Variants in MGAM observed in about 807,000 individuals in gnomAD.
MGAM encodes the protein maltase-glucoamylase.
In MGAM, 253 loss-of-function variants were observed where a neutral mutation model predicts 358.8. The ratio of observed to expected loss-of-function variants is 0.71; its 90% CI spans 0.64 to 0.78. MGAM has a LOEUF of 0.78. Among genes scored for constraint, MGAM ranks in the 30% least tolerant of loss-of-function variants. The pLI is 0.00. For missense variants in MGAM, 3,080 were observed against 3,432.6 expected (o/e 0.90, Z 2.57); for synonymous variants, 1,105 against 1,227.1 (o/e 0.90, Z 2.08).
chr7:142,082,208 G>A lies in MGAM; in HGVS notation c.6169G>A (p.Gly2057Arg), dbSNP rs1814367043. 6.4e-7 allele frequency: 1 copy of A among 1,553,840 alleles called. No homozygotes were observed. Among genetic ancestry groups the A allele is most frequent in the African/African-American group, 1.3e-5 (1 of 74,428 alleles). ...WGMFSRDQPPGYKKNSYGVHP... is the reference protein window; with the variant it reads ...WGMFSRDQPPRYKKNSYGVHP... The stretch of plus-strand genomic sequence containing the variant: ...GATGTTCTCCCGAGACCAGCCCCCA[G>A]GGGTAAGGACAGAGCATTTGAGATC... The change falls in exon 51 of 71, where the codon GGG (glycine) becomes AGG (arginine). Residue 2057 changes from glycine (G) to arginine (R), a missense_variant and splice_region_variant. Gly to Arg is a moderately radical substitution (Grantham distance 125). This residue lies in a region of MGAM where 932 missense variants were observed against 1,198.2 expected (regional missense o/e 0.78). Coordinates refer to ENST00000475668, the MANE Select transcript of MGAM (RefSeq NM_001365693.1).
intron 14 of MGAM, 72 bp from the exon 15 acceptor site, chr7:142,034,190 C>A: frequency 1.0e-6 from 1 of 991,570 alleles, no homozygotes; most frequent in Non-Finnish European, 1.4e-6. Flanking sequence ...GCTGTCATTT[C>A]GGATTGTGAT....
intron 1 of MGAM, among the ~76,000 whole-genome samples, chr7:141,997,179 C>T (rs1554448974): frequency 6.6e-6 from 1 of 151,992 alleles, no homozygotes; most frequent in African/African-American, 2.4e-5. Flanking sequence ...AAAAGGATAC[C>T]ACTAGGTTCT....
chr7:142,070,804 A>G (rs114244961), intron 43 of MGAM, among the ~76,000 whole-genome samples, 190 bp from the exon 44 acceptor site: 14,045 of 146,070 alleles, frequency 0.096, 2,090 homozygotes, highest in African/African-American at 0.23. Flanking sequence ...GACCCTAACA[A>G]GATATTATAG....
chr7:142,040,940 C>A, intron 21 of MGAM, 94 bp downstream of exon 21: 1 of 1,450,432 alleles, frequency 6.9e-7, no homozygotes, highest in Non-Finnish European at 9.2e-7. Context: ...AGGTGGTCAG[C>A]CTCTTTGGTT....
chr7:142,082,338 C>G (rs1448497993), intron 51 of MGAM, 128 bp downstream of exon 51: 1 of 1,293,904 alleles, frequency 7.7e-7, no homozygotes, highest in African/African-American at 1.4e-5. Flanking sequence ...GGCCAATTCT[C>G]AGGCTCCTTT....
chr7:142,091,018 G>A (rs1030766381), intron 57 of MGAM, among the ~76,000 whole-genome samples: 6 of 146,032 alleles, frequency 4.1e-5, no homozygotes, highest in African/African-American at 1.5e-4. Context: ...AGGCTGAGGT[G>A]TGTGGATCAC....
chr7:142,083,413 G>C lies in MGAM; in HGVS notation c.6381G>C (p.Glu2127Asp). Residue 2127 changes from glutamate (E) to aspartate (D), a missense_variant and splice_region_variant, in exon 53 of 71, where the codon GAG (glutamate) becomes GAC (aspartate). Around this residue, in one of 5 missense-constraint regions of MGAM, gnomAD observed 932 missense variants for 1,198.2 expected, o/e 0.78. Transcript: ENST00000475668. The stretch of plus-strand genomic sequence containing the variant: ...AGCTTGTCACCCAGCAGTACACTGA[G>C]GTAGGGAGAAATCCAATTGTTTATC... ...TPELVTQQYT[E>D]LIGRPVMVPY... 1 of 1,536,430 alleles carries C rather than the reference G, an allele frequency of 6.5e-7. No homozygotes were observed. The highest frequency in any genetic ancestry group is 8.9e-7 in the Non-Finnish European group (1 of 1,118,616).
Position 142,059,936 on chromosome 7 carries a change from C to T in MGAM, c.4029C>T (p.Tyr1343=). Residue 1343 remains tyrosine (Y), a synonymous_variant, in exon 33 of 71, where the codon TAC becomes TAT. Coordinates refer to ENST00000475668, the MANE Select transcript of MGAM (RefSeq NM_001365693.1). ...RGVEDDVFIK[Y]PNDGDIVWGK... is the part of the protein sequence containing the mutation. ...TGGAGGATGACGTCTTCATCAAATA[C>T]CCAAATGATGGAGACATTGTCTGGG... is the stretch of plus-strand genomic sequence containing the variant. The T allele has an allele frequency of 6.2e-7, 1 of 1,609,076 alleles. No individual in the cohort carries two copies. The highest frequency in any genetic ancestry group is 2.2e-5 in the East Asian group (1 of 44,756).
chr7:142,055,395 G>A (rs6945268), intron 27 of MGAM, among the ~76,000 whole-genome samples, 163 bp from the exon 28 acceptor site: 44,651 of 152,040 alleles, frequency 0.29, 7,445 homozygotes, highest in Admixed American at 0.37. Flanking sequence ...GGCTTTTAGC[G>A]AGGATATCTG....
At chr7:142,052,566 A>C in intron 25 of MGAM, 120 bp downstream of exon 25, 7 of 1,409,726 alleles carry the variant, frequency 5.0e-6, no homozygotes, top group Non-Finnish European at 6.7e-6. Context: ...TTCCTAAGGG[A>C]CAGGATCTAG....
At chr7:142,044,430 C>T (rs1326945581) in intron 21 of MGAM, among the ~76,000 whole-genome samples, 5 of 130,154 alleles carry the variant, frequency 3.8e-5, no homozygotes, top group African/African-American at 1.1e-4. Flanking sequence ...TATACACATA[C>T]GATATATATA....
chr7:142,041,392 T>A (rs1808520372), intron 21 of MGAM, among the ~76,000 whole-genome samples: 1 of 152,106 alleles, frequency 6.6e-6, no homozygotes, highest in South Asian at 2.1e-4. Flanking sequence ...CTTACTGCTT[T>A]AATTTTCCAA....
At position 142,045,145 on chromosome 7, in the gene MGAM, TCA is replaced by T. The variant is rs1455789994; in HGVS notation, c.2499-2639_2499-2638del. Among the ~76,000 whole-genome samples, 572 of 81,162 alleles carry T rather than the reference TCA, an allele frequency of 7.0e-3. 5 individuals are homozygous for T. The highest frequency in any genetic ancestry group is 0.011 in the Non-Finnish European group (457 of 40,766). 53.2% of individuals were successfully genotyped at this position (81,162 alleles called of 152,430 possible). A position where few individuals can be genotyped will look rare whatever the true frequency, so the allele number is the denominator to read the frequency against. ...TGATATATAATATGTATATTATATATCATATATGTGATATATAATATATATAT... is the reference window on the plus strand; with the variant it reads ...TGATATATAATATGTATATTATATATTATATGTGATATATAATATATATAT... On this transcript the variant is annotated intron_variant, in intron 21 of 70. Transcript: ENST00000475668.
At chr7:142,004,231 CA>C (rs1466455466) in intron 1 of MGAM, among the ~76,000 whole-genome samples, 1 of 152,026 alleles carries the variant, frequency 6.6e-6, no homozygotes, top group African/African-American at 2.4e-5. Context: ...ATCAAGAAGA[CA>C]CCTGCAATTG....
intron 6 of MGAM, 107 bp from the exon 7 acceptor site, chr7:142,022,161 G>T: frequency 9.6e-7 from 1 of 1,043,602 alleles, no homozygotes; most frequent in South Asian, 1.7e-5. Context: ...GGGACTGAAT[G>T]AATGGGGGCT....
intron 47 of MGAM, among the ~76,000 whole-genome samples, chr7:142,077,733 C>A (rs1205701336): frequency 6.9e-6 from 1 of 144,944 alleles, no homozygotes; most frequent in East Asian, 2.0e-4. Context: ...ATGCCTGAAT[C>A]AAAATATTTC....
In MGAM at chr7:142,088,856, T is replaced by G. The variant is rs1191009517; in HGVS notation, c.6810+2139T>G. 3.7e-4 allele frequency among the ~76,000 whole-genome samples: 53 copies of G among 142,354 alleles called. 5 individuals carry two copies. The highest frequency in any genetic ancestry group is 3.3e-3 in the Admixed American group (45 of 13,806). 93.4% of individuals were successfully genotyped at this position (142,354 alleles called of 152,430 possible). A position where few individuals can be genotyped will look rare whatever the true frequency, so the allele number is the denominator to read the frequency against. On this transcript the variant is annotated intron_variant, in intron 57 of 70. Transcript: ENST00000475668. ...ATCTATCTATCTATCTATCTATCTA[T>G]CTATCTATCTATCTAATCTATCTCC...
At chr7:142,053,052 G>T (rs1811170894) in intron 26 of MGAM, 68 bp downstream of exon 26, 8 of 1,517,094 alleles carry the variant, frequency 5.3e-6, no homozygotes, top group African/African-American at 1.4e-5. Context: ...TATTGGTCTG[G>T]ATCACAGAAC....
intron 3 of MGAM, among the ~76,000 whole-genome samples, chr7:142,015,585 G>A (rs551198501): frequency 9.3e-4 from 141 of 151,636 alleles, no homozygotes; most frequent in African/African-American, 3.3e-3. Context: ...AATTTCTACC[G>A]AGACAATATT....
Sources: allele counts gnomAD v4.1 joint callset (sites outside exome capture counted in the v4.1 genomes callset), GRCh38; gene constraint gnomAD v4.1.1; regional missense constraint gnomAD v4.1.1; transcripts MANE v1.5; gene names NCBI Gene and HGNC (gene_info 2026-07-23, HGNC 2026-07-21).